NHERF2: variants seen among roughly 807,000 people sequenced by gnomAD.
The protein encoded by NHERF2 is Na(+)/H(+) exchange regulatory cofactor NHE-RF2.
the NHERF2 span, chr16:2,036,742 T>C: frequency 6.2e-7 from 1 of 1,612,252 alleles, no homozygotes; most frequent in Non-Finnish European, 8.5e-7. Flanking sequence ...ACGGGCAGAA[T>C]GTGGAGGGAC....
the NHERF2 span, among the ~76,000 whole-genome samples, chr16:2,033,850 C>T: frequency 6.6e-6 from 1 of 152,194 alleles, no homozygotes; most frequent in East Asian, 1.9e-4. Context: ...TGCCAGCAGC[C>T]CACCCTGGCC....
the NHERF2 span, chr16:2,035,620 C>G: frequency 1.0e-6 from 1 of 986,526 alleles, no homozygotes; most frequent in Non-Finnish European, 1.2e-6. Context: ...CACCCCCTGG[C>G]TGGGAGGTGG....
At chr16:2,037,627 C>T in the NHERF2 span, 16 of 1,608,680 alleles carry the variant, frequency 9.9e-6, no homozygotes, top group Non-Finnish European at 1.4e-5. Flanking sequence ...CTCCTGAGCT[C>T]ACACGTGGGG....
At chr16:2,031,330 A>G in the NHERF2 span, among the ~76,000 whole-genome samples, 8 of 152,056 alleles carry the variant, frequency 5.3e-5, no homozygotes, top group African/African-American at 1.9e-4. Context: ...GGCTGGTCCT[A>G]AGCCCCTGTC....
the NHERF2 span, chr16:2,036,444 G>A: frequency 1.9e-6 from 3 of 1,604,474 alleles, no homozygotes; most frequent in Non-Finnish European, 2.6e-6. Context: ...CATCCGCTCT[G>A]TGGACCCGGG....
chr16:2,038,644 C>G, the NHERF2 span: 2 of 277,520 alleles, frequency 7.2e-6, no homozygotes, highest in Non-Finnish European at 1.4e-5. Flanking sequence ...CCCACCTGCC[C>G]TGGTGTGGGG....
At chr16:2,037,129 C>A in the NHERF2 span, 1 of 1,115,012 alleles carries the variant, frequency 9.0e-7, no homozygotes, top group Non-Finnish European at 1.3e-6. Flanking sequence ...CTGTCACCTC[C>A]CTTTAATGCC....
At chr16:2,029,614 G>A in the NHERF2 span, 1 of 1,579,678 alleles carries the variant, frequency 6.3e-7, no homozygotes, top group South Asian at 1.2e-5. Context: ...TGGAGGGGCA[G>A]ACTCGGCTGC....
the NHERF2 span, chr16:2,033,448 A>T: frequency 7.9e-6 from 12 of 1,515,076 alleles, no homozygotes; most frequent in Non-Finnish European, 1.1e-5. Flanking sequence ...GTGGGGTGGG[A>T]GGAAGGGAGG....
At chr16:2,029,719 C>T in the NHERF2 span, 1 of 1,553,198 alleles carries the variant, frequency 6.4e-7, no homozygotes, top group Non-Finnish European at 8.7e-7. Context: ...CCGCCCACGA[C>T]CCCTGGGAGC....
chr16:2,035,849 G>C, the NHERF2 span: 1 of 246,924 alleles, frequency 4.0e-6, no homozygotes, highest in Non-Finnish European at 6.5e-6. Flanking sequence ...AAAGCAAACA[G>C]AGCCGCCACC....
At chr16:2,033,424 C>T in the NHERF2 span, 7 of 1,532,852 alleles carry the variant, frequency 4.6e-6, no homozygotes, top group Non-Finnish European at 6.1e-6. Context: ...ACCCCAGAGG[C>T]TGGTACAGGT....
At chr16:2,032,082 C>T in the NHERF2 span, among the ~76,000 whole-genome samples, 8 of 149,232 alleles carry the variant, frequency 5.4e-5, no homozygotes, top group African/African-American at 1.5e-4. The surrounding 1 kb of genome is among the most constrained non-coding windows in gnomAD (Gnocchi z 4.0). Flanking sequence ...TGCTGTGGTG[C>T]GATCTCGGCT....
the NHERF2 span, chr16:2,033,374 C>T: frequency 7.8e-6 from 12 of 1,533,174 alleles, no homozygotes; most frequent in Admixed American, 7.9e-5. Context: ...GGGAGTGCCA[C>T]GCCACCTGCC....
chr16:2,027,276 G>C, the NHERF2 span: 2 of 1,090,872 alleles, frequency 1.8e-6, no homozygotes, highest in Non-Finnish European at 2.3e-6. Context: ...GTCCCCCTGG[G>C]GCGAGCAGGG....
At chr16:2,037,513 C>A in the NHERF2 span, 1 of 1,600,054 alleles carries the variant, frequency 6.2e-7, no homozygotes, top group Non-Finnish European at 8.5e-7. Context: ...GTCTGTGAAA[C>A]CACAATCTGC....
the NHERF2 span, among the ~76,000 whole-genome samples, chr16:2,033,683 G>A: frequency 1.3e-5 from 2 of 152,138 alleles, no homozygotes; most frequent in African/African-American, 2.4e-5. Context: ...GCTGGCCGCC[G>A]GCAGGGAGGG....
the NHERF2 span, chr16:2,036,360 C>T: frequency 3.1e-5 from 50 of 1,610,672 alleles, no homozygotes; most frequent in Non-Finnish European, 3.6e-5. Context: ...GCGCCCTCGG[C>T]TCTGCCACCT....
chr16:2,029,495 G>A, the NHERF2 span: 4 of 1,298,224 alleles, frequency 3.1e-6, no homozygotes, highest in Admixed American at 2.0e-5. Context: ...CTGTCCGCAC[G>A]CCTGGGCCAG....
Sources: allele counts gnomAD v4.1 joint callset (sites outside exome capture counted in the v4.1 genomes callset), GRCh38; gene constraint gnomAD v4.1.1; non-coding constraint Gnocchi (gnomAD v3.1); transcripts MANE v1.5; gene names NCBI Gene and HGNC (gene_info 2026-07-23, HGNC 2026-07-21).